Variants in CACNA1H observed in about 807,000 individuals in gnomAD.
The protein encoded by CACNA1H is voltage-dependent T-type calcium channel subunit alpha-1H.
In CACNA1H, 149 loss-of-function variants were observed where a neutral mutation model predicts 192.5. The observed-to-expected ratio is 0.77, with a 90% CI of 0.68 to 0.89. CACNA1H has a LOEUF of 0.89. CACNA1H is among the 40% of genes least tolerant of loss of function. The pLI is 0.00. For synonymous variants in CACNA1H, 2,202 were observed against 1,475.2 expected (o/e 1.49, Z -11.29); for missense variants, 4,257 against 3,423.5 (o/e 1.24, Z -6.08).
At chr16:1,199,180 T>C (rs539996616) in intron 6 of CACNA1H, among the ~76,000 whole-genome samples, 2 of 21,512 alleles carry the variant, frequency 9.3e-5, no homozygotes, top group Non-Finnish European at 1.8e-4. Flanking sequence ...CCCACCCCCA[T>C]CATGGCTCCA....
intron 2 of CACNA1H, among the ~76,000 whole-genome samples, chr16:1,188,112 T>C (rs1332647217): frequency 1.3e-5 from 2 of 151,864 alleles, no homozygotes; most frequent in African/African-American, 4.8e-5. Flanking sequence ...CAGGTGGAGG[T>C]AGAATTGGGG....
rs765134917 is a variant in CACNA1H, at chr16:1,187,854, A to C, written c.300-7118A>C. 2.0e-5 allele frequency among the ~76,000 whole-genome samples: 3 copies of C among 152,316 alleles called. No homozygotes were observed. In the East Asian group the frequency reaches 5.8e-4, roughly 29 times the overall value. On this transcript the variant is annotated intron_variant, in intron 2 of 34. Coordinates refer to ENST00000348261, the MANE Select transcript of CACNA1H (RefSeq NM_021098.3). ...CCTTAACTATCTCTTGAGGAGGGGC[A>C]CACAGCCCCGCCTCCGTCCCTCTGT...
Position 1,213,889 on chromosome 16 carries a change from C to G in CACNA1H, c.4887C>G (p.Val1629=). 4 of 1,611,966 alleles carry G rather than the reference C, an allele frequency of 2.5e-6. No homozygotes were observed. The highest frequency in any genetic ancestry group is 4.5e-5 in the East Asian group (2 of 44,804). The change falls in exon 27 of 35, where the codon GTC becomes GTG. Residue 1629 remains valine (V), a synonymous_variant. Transcript: ENST00000348261. ...TCTTCATCACCTTCATCATCTGTGT[C>G]AACGTCATCACCATGTCCATGGAGC... The part of the protein sequence containing the change: ...LDLFITFIIC[V]NVITMSMEHY...
intron 26 of CACNA1H, 146 bp downstream of exon 26, chr16:1,212,674 G>A (rs552847014): frequency 2.4e-5 from 23 of 956,708 alleles, no homozygotes; most frequent in African/African-American, 1.6e-4. Context: ...GAGGGGCTGC[G>A]CTCGCCCGCC....
intron 2 of CACNA1H, among the ~76,000 whole-genome samples, chr16:1,168,978 G>C (rs1964085704): frequency 2.6e-5 from 4 of 152,136 alleles, no homozygotes; most frequent in African/African-American, 9.7e-5. Context: ...TGCCCACAGT[G>C]GAGTCTTAGG....
At chr16:1,154,412 C>T (rs1276622053) in intron 2 of CACNA1H, among the ~76,000 whole-genome samples, 2 of 152,124 alleles carry the variant, frequency 1.3e-5, no homozygotes, top group Non-Finnish European at 1.5e-5. Flanking sequence ...CCACCCCTCA[C>T]TGTCTGAAGG....
intron 2 of CACNA1H, among the ~76,000 whole-genome samples, chr16:1,186,458 GT>G (rs1368598260): frequency 6.6e-6 from 1 of 152,052 alleles, no homozygotes; most frequent in Non-Finnish European, 1.5e-5. Flanking sequence ...TGGGGTGAAC[GT>G]CAAAGGGTCA....
At position 1,180,975 on chromosome 16, in the gene CACNA1H, C is replaced by G. The variant is rs954321459; in HGVS notation, c.300-13997C>G. ...GCTTCCGCCAGCTTCCCGGCCAGAC[C>G]CAAGGGTGGAGCTCCAGGCCACGTT... is the stretch of plus-strand genomic sequence containing the variant. On this transcript the variant is annotated intron_variant, in intron 2 of 34. Coordinates refer to ENST00000348261, the MANE Select transcript of CACNA1H (RefSeq NM_021098.3). The surrounding 1 kb of genome is among the most constrained non-coding windows in gnomAD (Gnocchi z 4.4). 7.9e-5 allele frequency among the ~76,000 whole-genome samples: 12 copies of G among 152,326 alleles called. No individual in the cohort carries two copies. Among genetic ancestry groups the G allele is most frequent in the African/African-American group, 2.9e-4 (12 of 41,582 alleles).
intron 2 of CACNA1H, among the ~76,000 whole-genome samples, chr16:1,169,365 C>T (rs959621620): frequency 6.6e-6 from 1 of 152,232 alleles, no homozygotes; most frequent in African/African-American, 2.4e-5. Flanking sequence ...TGCCCTCCCA[C>T]CCTCTGACAC....
chr16:1,198,856 C>A, intron 6 of CACNA1H, 82 bp downstream of exon 6: 1 of 1,358,374 alleles, frequency 7.4e-7, no homozygotes, highest in Admixed American at 2.1e-5. Flanking sequence ...GGCTCCACCG[C>A]CCCACGTGGC....
intron 31 of CACNA1H, among the ~76,000 whole-genome samples, chr16:1,217,338 A>C (rs117259971): frequency 5.9e-5 from 9 of 152,244 alleles, no homozygotes; most frequent in Non-Finnish European, 1.3e-4. Context: ...AACACACGCC[A>C]TGCCCAACGT....
chr16:1,190,605 A>T (rs375496994), intron 2 of CACNA1H, among the ~76,000 whole-genome samples: 1 of 152,146 alleles, frequency 6.6e-6, no homozygotes, highest in Non-Finnish European at 1.5e-5. Context: ...GAGGCGCGCA[A>T]TACGCCTGCC....
chr16:1,181,638 G>A (rs911298771), intron 2 of CACNA1H, among the ~76,000 whole-genome samples: 1 of 152,246 alleles, frequency 6.6e-6, no homozygotes, highest in Non-Finnish European at 1.5e-5. Context: ...GGTATATTAG[G>A]TCTCTTTCTA....
At chr16:1,217,817 T>C (rs2141390890) in intron 31 of CACNA1H, 102 bp from the exon 32 acceptor site, 2 of 1,416,916 alleles carry the variant, frequency 1.4e-6, no homozygotes, top group Non-Finnish European at 1.9e-6. Flanking sequence ...CTCCGGGCTA[T>C]CCTGCCTCTG....
Position 1,212,524 on chromosome 16 carries a change from C to T in CACNA1H, c.4773C>T (p.Ser1591=), listed in dbSNP as rs777805727. Residue 1591 remains serine, a synonymous_variant, in exon 26 of 35, where the codon AGC becomes AGT. Coordinates refer to ENST00000348261, the MANE Select transcript of CACNA1H (RefSeq NM_021098.3). The part of the protein sequence containing the change: ...LERRRRSTFP[S]PEAQRRPYYA... The stretch of plus-strand genomic sequence containing the variant: ...TTGTCTTTCCAGGCACTTTCCCCAG[C>T]CCAGGTACCGGCCCTGTCCCGCATG... The T allele has an allele frequency of 3.7e-6, 6 of 1,611,070 alleles. No individual in the cohort carries two copies. Among genetic ancestry groups the T allele is most frequent in the East Asian group, 4.5e-5 (2 of 44,782 alleles).
chr16:1,193,760 C>T (rs990802486), intron 2 of CACNA1H, among the ~76,000 whole-genome samples: 3 of 152,056 alleles, frequency 2.0e-5, no homozygotes, highest in Non-Finnish European at 4.4e-5. Context: ...TGCTGACCTG[C>T]TAGGAGGCTG....
rs775338165 is a variant in CACNA1H, at chr16:1,207,735, C to T, written c.3064-35C>T. The T allele has an allele frequency of 5.5e-5, 85 of 1,544,638 alleles. No individual in the cohort carries two copies. The African/African-American group carries it at 7.4e-4, about 13-fold the overall frequency. On this transcript the variant is annotated intron_variant, in intron 14 of 34. Coordinates refer to ENST00000348261, the MANE Select transcript of CACNA1H (RefSeq NM_021098.3). Reference sequence around the variant, plus strand: ...GCATGAAGGGTCCCCACTCACGGGGCCCCTCATGCCTGCCTTGTGCTTTGT... The same window carrying T: ...GCATGAAGGGTCCCCACTCACGGGGTCCCTCATGCCTGCCTTGTGCTTTGT...
chr16:1,216,460 G>T (rs563862517), intron 30 of CACNA1H, among the ~76,000 whole-genome samples: 1 of 152,238 alleles, frequency 6.6e-6, no homozygotes, highest in African/African-American at 2.4e-5. Context: ...GAGAGCCGTG[G>T]CAGGGGAGGG....
At chr16:1,211,053 C>A in intron 21 of CACNA1H, 82 bp downstream of exon 21, 1 of 1,554,764 alleles carries the variant, frequency 6.4e-7, no homozygotes, top group Non-Finnish European at 8.7e-7. Context: ...TCCCGCAGTC[C>A]TGGGCTGTTC....
Sources: allele counts gnomAD v4.1 joint callset (sites outside exome capture counted in the v4.1 genomes callset), GRCh38; gene constraint gnomAD v4.1.1; non-coding constraint Gnocchi (gnomAD v3.1); transcripts MANE v1.5; gene names NCBI Gene and HGNC (gene_info 2026-07-23, HGNC 2026-07-21).